Variants in TBC1D32 observed in about 807,000 individuals in gnomAD.
The protein encoded by TBC1D32 is protein broad-minded.
A neutral mutation model predicts 170.3 loss-of-function variants in TBC1D32; 151 were observed. That is an observed-to-expected ratio of 0.89 (90% CI 0.78 to 1.01). The LOEUF is 1.01. Ranked by LOEUF, TBC1D32 falls within the 50% of genes least tolerant of loss-of-function variation. The pLI is 0.00. For synonymous variants in TBC1D32, 498 were observed against 488.0 expected, an observed-to-expected ratio of 1.02 and a Z score of -0.27; for missense variants, 1,464 against 1,457.1, an observed-to-expected ratio of 1.00 and a Z score of -0.08.
At position 121,294,716 on chromosome 6, in the gene TBC1D32, T is replaced by A. The variant is rs548439513; in HGVS notation, c.1141-56A>T. ...ACTTTGCAGCCCTCAAGTCCAAGAA[T>A]TAAAAGAAATTAGTCAAAGCTGTAA... On this transcript the variant is annotated intron_variant, in intron 10 of 31. Coordinates refer to ENST00000398212, the MANE Select transcript of TBC1D32 (RefSeq NM_152730.6). 39 of 1,277,722 alleles carry A rather than the reference T, an allele frequency of 3.1e-5. No individual in the cohort carries two copies. The South Asian group carries it at 4.6e-4, about 15-fold the overall frequency. 79.1% of individuals were successfully genotyped at this position (1,277,722 alleles called of 1,614,324 possible).
At position 121,079,637 on chromosome 6, in the gene TBC1D32, T is replaced by G. The variant is rs552067998; in HGVS notation, c.*1134A>C. On this transcript the variant is annotated 3_prime_UTR_variant, in exon 32 of 32. Coordinates refer to ENST00000398212, the MANE Select transcript of TBC1D32 (RefSeq NM_152730.6). ...TAATATATTCGTGTATTATCTTTCA[T>G]ATACTCATTGTGAGTTAAGATATAA... 6.6e-6 allele frequency: 1 copy of G among 152,296 alleles called. No individual in the cohort carries two copies. The highest frequency in any genetic ancestry group is 1.9e-4 in the East Asian group (1 of 5,186). 9.4% of individuals were successfully genotyped at this position (152,296 alleles called of 1,614,324 possible).
chr6:121,208,495 G>A lies in TBC1D32; in HGVS notation c.2482-3332C>T, dbSNP rs572512430. ...TCACCCCATAATTCAGTTACCTCCT[G>A]TCAAGCCCCTCCCATGACACATGGG... On this transcript the variant is annotated intron_variant, in intron 21 of 31. Transcript: ENST00000398212. Among the ~76,000 whole-genome samples, 3 of 151,966 alleles carry A rather than the reference G, an allele frequency of 2.0e-5. No homozygotes were observed. In the South Asian group the frequency reaches 6.2e-4, roughly 32 times the overall value.
chr6:121,232,110 A>C (rs1253071483), intron 20 of TBC1D32, among the ~76,000 whole-genome samples: 1 of 152,126 alleles, frequency 6.6e-6, no homozygotes, highest in Non-Finnish European at 1.5e-5. Context: ...ATATAAGGTG[A>C]GAGATGAGGA....
At chr6:121,173,178 G>A (rs1052936779) in intron 22 of TBC1D32, among the ~76,000 whole-genome samples, 1 of 152,190 alleles carries the variant, frequency 6.6e-6, no homozygotes, top group Admixed American at 6.5e-5. Context: ...AGGTAGAAGA[G>A]CGTGGAAAGA....
chr6:121,320,883 T>A (rs1809610249), intron 2 of TBC1D32, among the ~76,000 whole-genome samples: 1 of 152,134 alleles, frequency 6.6e-6, no homozygotes, highest in South Asian at 2.1e-4. Flanking sequence ...CAGCAAGTTT[T>A]CAAATGACAT....
chr6:121,279,354 C>T lies in TBC1D32; in HGVS notation c.1609-109G>A, dbSNP rs1307236207. The T allele has an allele frequency of 1.1e-5, 14 of 1,240,896 alleles. No individual in the cohort carries two copies. In the East Asian group the frequency reaches 2.7e-4, roughly 24 times the overall value. The allele number at this position is 1,240,896 out of a possible 1,614,324, so 76.9% of individuals were successfully genotyped here. On this transcript the variant is annotated intron_variant, in intron 14 of 31. Coordinates refer to ENST00000398212, the MANE Select transcript of TBC1D32 (RefSeq NM_152730.6). ...GTAGTCTTATAAAGTTATATTACAA[C>T]AAAAAACAAGCTTAATGATTTGTTT...
chr6:121,306,316 G>T (rs901922215), intron 5 of TBC1D32, among the ~76,000 whole-genome samples: 1 of 152,104 alleles, frequency 6.6e-6, no homozygotes, highest in Non-Finnish European at 1.5e-5. Context: ...ACAGTAGACT[G>T]ATTTTAAATA....
chr6:121,185,130 T>C (rs1327551368), intron 22 of TBC1D32, among the ~76,000 whole-genome samples: 5 of 151,982 alleles, frequency 3.3e-5, no homozygotes, highest in African/African-American at 1.2e-4. Flanking sequence ...AATCAGTACC[T>C]GAAGTCTCAT....
At chr6:121,255,093 A>G (rs1340785353) in intron 17 of TBC1D32, among the ~76,000 whole-genome samples, 2 of 152,092 alleles carry the variant, frequency 1.3e-5, no homozygotes, top group Non-Finnish European at 2.9e-5. Flanking sequence ...CACATTTCCT[A>G]ATCTAAGATG....
intron 15 of TBC1D32, among the ~76,000 whole-genome samples, chr6:121,264,999 A>T (rs942951674): frequency 6.6e-6 from 1 of 152,178 alleles, no homozygotes; most frequent in African/African-American, 2.4e-5. Flanking sequence ...TTTCAAAACC[A>T]GCAAAAGACA....
At chr6:121,106,708 C>T (rs1456529223) in intron 29 of TBC1D32, among the ~76,000 whole-genome samples, 2 of 152,006 alleles carry the variant, frequency 1.3e-5, no homozygotes, top group African/African-American at 4.8e-5. Context: ...AGAAACTCAT[C>T]TCTAAAACTG....
chr6:121,221,700 G>A (rs1338117594), intron 21 of TBC1D32, among the ~76,000 whole-genome samples: 1 of 152,162 alleles, frequency 6.6e-6, no homozygotes, highest in East Asian at 1.9e-4. Flanking sequence ...ATTAAAAGTG[G>A]AGCCTGAAGA....
intron 20 of TBC1D32, among the ~76,000 whole-genome samples, chr6:121,230,643 T>TTA (rs772214991): frequency 4.3e-5 from 3 of 70,162 alleles, no homozygotes; most frequent in African/African-American, 1.8e-4. Flanking sequence ...TGTATATATC[T>TTA]GATATATATA....
At position 121,246,492 on chromosome 6, in the gene TBC1D32, A is replaced by G. The variant is rs372492524; in HGVS notation, c.2019-4153T>C. ...CATAAAAGGGTTCTGTAACACCCCC[A>G]AAAGGTCACAGTAGGCCCCAGCAAT... On this transcript the variant is annotated intron_variant, in intron 17 of 31. Transcript: ENST00000398212. Among the ~76,000 whole-genome samples the G allele has an allele frequency of 2.0e-5, 3 of 152,200 alleles. No homozygotes were observed. The East Asian group carries it at 5.8e-4, about 30-fold the overall frequency.
intron 31 of TBC1D32, among the ~76,000 whole-genome samples, chr6:121,087,481 T>C (rs971602190): frequency 2.6e-5 from 4 of 152,346 alleles, no homozygotes; most frequent in Admixed American, 6.5e-5. Flanking sequence ...ATACTGAATA[T>C]TGCACACAGA....
chr6:121,318,288 T>A (rs76029943), intron 2 of TBC1D32, among the ~76,000 whole-genome samples: 3,638 of 152,170 alleles, frequency 0.024, 159 homozygotes, highest in East Asian at 0.12. Flanking sequence ...TTGGATAATA[T>A]TTAAAATCTC....
At chr6:121,224,343 A>G (rs1381138987) in intron 20 of TBC1D32, 1 of 152,118 alleles carries the variant, frequency 6.6e-6, no homozygotes, top group Non-Finnish European at 1.5e-5. Flanking sequence ...TTTTGCTTGC[A>G]TTATATTAAT....
At chr6:121,252,783 A>C (rs1181489249) in intron 17 of TBC1D32, among the ~76,000 whole-genome samples, 1 of 152,216 alleles carries the variant, frequency 6.6e-6, no homozygotes, top group Non-Finnish European at 1.5e-5. Flanking sequence ...AACAGAATAG[A>C]GAACCCAGAA....
intron 24 of TBC1D32, among the ~76,000 whole-genome samples, chr6:121,142,411 A>G (rs1177081065): frequency 6.6e-6 from 1 of 152,272 alleles, no homozygotes. Flanking sequence ...CTTTAAAGAT[A>G]GCAGCCTCAA....
Sources: gnomAD v4.1 joint callset for allele counts (sites outside exome capture counted in the v4.1 genomes callset) on GRCh38, gnomAD v4.1.1 for gene constraint, MANE v1.5 for transcripts, NCBI Gene and HGNC (gene_info 2026-07-23, HGNC 2026-07-21) for gene names.